The following MYRIP variants were observed in gnomAD, a reference collection of about 807,000 sequenced individuals.
MYRIP encodes myosin VIIA and Rab interacting protein.
Under a neutral mutation model 98.0 loss-of-function variants are expected in MYRIP, and 49 were observed. That is an observed-to-expected ratio of 0.50 (90% confidence interval 0.40 to 0.63). MYRIP has a LOEUF of 0.63. MYRIP is among the 30% of genes least tolerant of loss of function. The pLI is 0.00. For synonymous variants in MYRIP, 404 were observed against 409.5 expected (o/e 0.99, Z 0.16); for missense variants, 1,004 against 1,058.2 (o/e 0.95, Z 0.71).
At chr3:40,135,742 G>C (rs1232543827) in intron 3 of MYRIP, among the ~76,000 whole-genome samples, 1 of 152,192 alleles carries the variant, frequency 6.6e-6, no homozygotes, top group Non-Finnish European at 1.5e-5. Flanking sequence ...CATTCTTAAA[G>C]AAAAGAATTT....
At chr3:40,124,752 A>G (rs1949486624) in intron 3 of MYRIP, among the ~76,000 whole-genome samples, 1 of 152,198 alleles carries the variant, frequency 6.6e-6, no homozygotes, top group South Asian at 2.1e-4. Context: ...AGACCAGCAG[A>G]ACACAGCTGG....
At chr3:39,840,067 G>A (rs1266608252) in intron 1 of MYRIP, among the ~76,000 whole-genome samples, 1 of 152,100 alleles carries the variant, frequency 6.6e-6, no homozygotes, top group Non-Finnish European at 1.5e-5. Flanking sequence ...TATTGACAGT[G>A]GGGTGTTAAA....
chr3:40,218,610 T>TATA (rs59924117), intron 11 of MYRIP, among the ~76,000 whole-genome samples: 234 of 5,872 alleles, frequency 0.04, 9 homozygotes, highest in East Asian at 0.15. Context: ...TATATATATA[T>TATA]TTTATATATA....
intron 13 of MYRIP, 48 bp from the exon 14 acceptor site, chr3:40,250,174 C>A: frequency 1.4e-6 from 2 of 1,433,968 alleles, no homozygotes; most frequent in Non-Finnish European, 2.0e-6. Context: ...AAATATTTTC[C>A]CCTTCCGTAT....
chr3:40,111,900 GATTT>G (rs1949166215), intron 3 of MYRIP, among the ~76,000 whole-genome samples: 1 of 152,158 alleles, frequency 6.6e-6, no homozygotes, highest in Admixed American at 6.6e-5. Flanking sequence ...GGAACTAGTG[GATTT>G]CCTGGCCTTG....
chr3:40,229,666 C>G (rs1952593968), intron 11 of MYRIP, among the ~76,000 whole-genome samples: 1 of 152,142 alleles, frequency 6.6e-6, no homozygotes, highest in East Asian at 1.9e-4. Context: ...CTTGCAACAC[C>G]AGTGTGCTTC....
intron 3 of MYRIP, among the ~76,000 whole-genome samples, chr3:40,090,833 T>C (rs1261274068): frequency 1.3e-5 from 2 of 152,172 alleles, no homozygotes; most frequent in Admixed American, 6.6e-5. Flanking sequence ...ACATACAGTG[T>C]TGAGTTGTAC....
chr3:40,173,225 C>G (rs1237407953), intron 8 of MYRIP: 1 of 152,088 alleles, frequency 6.6e-6, no homozygotes, highest in Non-Finnish European at 1.5e-5. Flanking sequence ...CTGCATTATC[C>G]CCATTTTACA....
intron 4 of MYRIP, among the ~76,000 whole-genome samples, chr3:40,161,982 A>G (rs1401547838): frequency 1.3e-5 from 2 of 152,110 alleles, no homozygotes; most frequent in Non-Finnish European, 2.9e-5. Context: ...TCCTCTCTGC[A>G]GCCCTGCCAC....
At chr3:39,881,610 T>A (rs1438865941) in intron 1 of MYRIP, among the ~76,000 whole-genome samples, 2 of 152,152 alleles carry the variant, frequency 1.3e-5, no homozygotes, top group Admixed American at 1.3e-4. Flanking sequence ...TAGTGTGACA[T>A]TACACTGCTC....
At chr3:40,067,727 T>C (rs1948150861) in intron 3 of MYRIP, among the ~76,000 whole-genome samples, 1 of 151,204 alleles carries the variant, frequency 6.6e-6, no homozygotes, top group Non-Finnish European at 1.5e-5. Context: ...CTGTTTCTGG[T>C]ACGCACGAGA....
At chr3:39,889,437 C>T (rs905075162) in intron 1 of MYRIP, among the ~76,000 whole-genome samples, 1 of 152,040 alleles carries the variant, frequency 6.6e-6, no homozygotes, top group African/African-American at 2.4e-5. Context: ...GAACAAAAAA[C>T]CAAAGACCAC....
At chr3:39,910,209 A>G (rs1458874620) in intron 2 of MYRIP, among the ~76,000 whole-genome samples, 1 of 152,196 alleles carries the variant, frequency 6.6e-6, no homozygotes, top group Non-Finnish European at 1.5e-5. Context: ...ATCTATTTAC[A>G]AAATGGGAGA....
chr3:40,176,573 G>T (rs1027786251), intron 8 of MYRIP, among the ~76,000 whole-genome samples: 15 of 152,148 alleles, frequency 9.9e-5, no homozygotes, highest in African/African-American at 3.6e-4. Context: ...AATACAGTGA[G>T]ACCCCATCTC....
intron 3 of MYRIP, among the ~76,000 whole-genome samples, chr3:40,136,741 T>C (rs900752218): frequency 2.6e-5 from 4 of 152,124 alleles, no homozygotes; most frequent in Non-Finnish European, 4.4e-5. Flanking sequence ...CACGCAAAAC[T>C]GATCAACTAC....
intron 11 of MYRIP, chr3:40,232,851 C>CCA (rs1485377852): frequency 6.6e-6 from 1 of 152,188 alleles, no homozygotes; most frequent in African/African-American, 2.4e-5. Context: ...ACACGTTCAG[C>CCA]CACAGATAAC....
At chr3:40,256,316 A>G (rs1228063184) in intron 16 of MYRIP, among the ~76,000 whole-genome samples, 1 of 152,198 alleles carries the variant, frequency 6.6e-6, no homozygotes, top group Non-Finnish European at 1.5e-5. Flanking sequence ...ACTGAATTAG[A>G]AAAATCCACA....
rs1338639798 is a variant in MYRIP at position 39,919,725 on chromosome 3, T to TGAGAGAGA, written c.110+18800_110+18801insAGAGAGAG. 2.2e-4 allele frequency among the ~76,000 whole-genome samples: 31 copies of TGAGAGAGA among 143,942 alleles called. 1 individual carries two copies. In the South Asian group the frequency reaches 2.2e-3, roughly 10 times the overall value. The allele number at this position is 143,942 out of a possible 152,430, so 94.4% of individuals were successfully genotyped here. Reference sequence around the variant, plus strand: ...GTGTGTGTGTGTGTGTGTGTGTGTGTGTGAGAGAGAGAGAGAGAGAGAGAA... The same window carrying TGAGAGAGA: ...GTGTGTGTGTGTGTGTGTGTGTGTGTGAGAGAGAGTGAGAGAGAGAGAGAGAGAGAGAA... On this transcript the variant is annotated intron_variant, in intron 2 of 16. Transcript: ENST00000302541.
chr3:40,019,522 C>T (rs2125804966), intron 2 of MYRIP, among the ~76,000 whole-genome samples: 1 of 152,302 alleles, frequency 6.6e-6, no homozygotes, highest in South Asian at 2.1e-4. Context: ...ACATGCCTGT[C>T]TCTTGTACCT....
Sources: allele counts gnomAD v4.1 joint callset (sites outside exome capture counted in the v4.1 genomes callset), GRCh38; gene constraint gnomAD v4.1.1; transcripts MANE v1.5; gene names NCBI Gene and HGNC (gene_info 2026-07-23, HGNC 2026-07-21).